Variants in PTPRD observed in about 807,000 individuals in gnomAD.
PTPRD encodes protein tyrosine phosphatase receptor type D, also known as receptor-type tyrosine-protein phosphatase delta.
A neutral mutation model predicts 214.5 loss-of-function variants in PTPRD; 34 were observed. The ratio of observed to expected loss-of-function variants is 0.16; its 90% confidence interval spans 0.12 to 0.21. PTPRD has a LOEUF of 0.21. Ranked by LOEUF, PTPRD falls within the 10% of genes least tolerant of loss-of-function variation. The pLI is 1.00. For synonymous variants in PTPRD, 1,128 were observed against 845.7 expected (o/e 1.33, Z -5.79); for missense variants, 2,545 against 2,398.7 (o/e 1.06, Z -1.27).
Position 9,936,582 on chromosome 9 carries a change from C to G in PTPRD, c.-368+1925G>C, listed in dbSNP as rs1226287737. ...TTAAAAAGTCAGTAAACAACAGGTG[C>G]TGGAGAGGATGTGGAGAAATAGGAA... On this transcript the variant is annotated intron_variant, in intron 5 of 45. Coordinates refer to ENST00000381196, the MANE Select transcript of PTPRD (RefSeq NM_002839.4). Among the ~76,000 whole-genome samples the G allele has an allele frequency of 4.7e-4, 64 of 137,416 alleles. 2 individuals carry two copies. Among genetic ancestry groups the G allele is most frequent in the Non-Finnish European group, 3.3e-4 (22 of 66,246 alleles). 90.2% of individuals were successfully genotyped at this position (137,416 alleles called of 152,430 possible). A position where few individuals can be genotyped will look rare whatever the true frequency, so the allele number is the denominator to read the frequency against.
chr9:8,625,136 G>C (rs1239179180), intron 14 of PTPRD, among the ~76,000 whole-genome samples: 1 of 151,704 alleles, frequency 6.6e-6, no homozygotes, highest in African/African-American at 2.4e-5. Context: ...GACATAAAGA[G>C]TATAATTTCA....
At chr9:8,528,353 A>C (rs999835261) in intron 15 of PTPRD, 11 of 570,898 alleles carry the variant, frequency 1.9e-5, no homozygotes, top group Non-Finnish European at 3.1e-5. Flanking sequence ...CAGTCACAGC[A>C]GTGAGCAATG....
At chr9:10,362,620 G>A (rs539011826) in intron 2 of PTPRD, among the ~76,000 whole-genome samples, 8 of 152,170 alleles carry the variant, frequency 5.3e-5, no homozygotes, top group Admixed American at 1.3e-4. Flanking sequence ...GGTGGCTCAC[G>A]CCTGGAATCC....
At chr9:9,669,625 T>C (rs935805761) in intron 7 of PTPRD, among the ~76,000 whole-genome samples, 2 of 152,176 alleles carry the variant, frequency 1.3e-5, no homozygotes, top group African/African-American at 4.8e-5. Context: ...AAATAAATTA[T>C]AACAGTTAAA....
intron 30 of PTPRD, among the ~76,000 whole-genome samples, chr9:8,479,515 A>C (rs1311477989): frequency 6.6e-6 from 1 of 152,214 alleles, no homozygotes; most frequent in Non-Finnish European, 1.5e-5. Flanking sequence ...ATAGAAGCGG[A>C]AAGTGCATAA....
intron 12 of PTPRD, among the ~76,000 whole-genome samples, chr9:8,707,899 G>C (rs895673684): frequency 6.6e-6 from 1 of 152,170 alleles, no homozygotes; most frequent in East Asian, 1.9e-4. Flanking sequence ...GTCTCTCTCA[G>C]AATAAAAATG....
chr9:10,240,434 A>T (rs962582066), intron 3 of PTPRD, among the ~76,000 whole-genome samples: 7 of 152,034 alleles, frequency 4.6e-5, no homozygotes, highest in African/African-American at 1.7e-4. Context: ...AAAACGCCTT[A>T]AGTACAGGAA....
chr9:9,386,046 C>T (rs756636055), intron 9 of PTPRD, among the ~76,000 whole-genome samples: 2 of 152,078 alleles, frequency 1.3e-5, no homozygotes, highest in Non-Finnish European at 2.9e-5. Flanking sequence ...AAATACTTAC[C>T]TAAGGGAAAA....
At chr9:9,118,482 T>A (rs2099814445) in intron 10 of PTPRD, among the ~76,000 whole-genome samples, 1 of 152,202 alleles carries the variant, frequency 6.6e-6, no homozygotes, top group Non-Finnish European at 1.5e-5. Context: ...GCTTCCTATC[T>A]ACTTTTTAGG....
chr9:8,435,754 C>T (rs1024447067), intron 35 of PTPRD, among the ~76,000 whole-genome samples: 6 of 151,912 alleles, frequency 3.9e-5, no homozygotes, highest in East Asian at 1.9e-4. Flanking sequence ...TACACACAGG[C>T]TTTTAATTTA....
intron 22 of PTPRD, among the ~76,000 whole-genome samples, chr9:8,506,668 G>A (rs2097548581): frequency 6.7e-6 from 1 of 150,008 alleles, no homozygotes; most frequent in Admixed American, 6.6e-5. Context: ...ATTATTGATG[G>A]TGAAACCCTT....
chr9:9,044,764 T>G (rs2099666905), intron 10 of PTPRD, among the ~76,000 whole-genome samples: 1 of 151,384 alleles, frequency 6.6e-6, no homozygotes, highest in East Asian at 1.9e-4. Flanking sequence ...ACTTCTTCCC[T>G]TTTACCTTTT....
chr9:9,794,836 T>G (rs2098991913), intron 5 of PTPRD, among the ~76,000 whole-genome samples: 1 of 152,194 alleles, frequency 6.6e-6, no homozygotes, highest in Non-Finnish European at 1.5e-5. Flanking sequence ...TAGAATGGTG[T>G]TTTAAAAGAT....
chr9:10,575,358 A>G (rs571408020), intron 2 of PTPRD, among the ~76,000 whole-genome samples: 12 of 152,228 alleles, frequency 7.9e-5, no homozygotes, highest in Non-Finnish European at 1.8e-4. Flanking sequence ...AGAACATAAA[A>G]AAGTTCTTTC....
rs1402630717 is a variant in PTPRD at position 9,081,826 on chromosome 9, T to C, written c.-142-63091A>G. 2.1e-5 allele frequency among the ~76,000 whole-genome samples: 3 copies of C among 144,682 alleles called. No individual in the cohort carries two copies. In the East Asian group the frequency reaches 5.8e-4, roughly 28 times the overall value. 94.9% of individuals were successfully genotyped at this position (144,682 alleles called of 152,430 possible). On this transcript the variant is annotated intron_variant, in intron 10 of 45. Coordinates refer to ENST00000381196, the MANE Select transcript of PTPRD (RefSeq NM_002839.4). ...GAGACTAGGATTGCAACTCCTGCTT[T>C]TTTTTTTTTTTGCTTTCCATTTGCT...
chr9:9,069,985 C>T (rs1437013376), intron 10 of PTPRD, among the ~76,000 whole-genome samples: 2 of 152,176 alleles, frequency 1.3e-5, no homozygotes, highest in African/African-American at 2.4e-5. Flanking sequence ...TGTGAGAGAA[C>T]AGAGTTTAAA....
At chr9:9,283,318 T>G (rs973066525) in intron 9 of PTPRD, among the ~76,000 whole-genome samples, 3 of 151,470 alleles carry the variant, frequency 2.0e-5, no homozygotes, top group African/African-American at 7.3e-5. Context: ...TAACCCACAT[T>G]CAGAATTAAT....
intron 10 of PTPRD, among the ~76,000 whole-genome samples, chr9:9,025,366 G>C (rs992755999): frequency 7.9e-5 from 12 of 151,968 alleles, no homozygotes; most frequent in Non-Finnish European, 1.6e-4. Context: ...TGATGTCATT[G>C]TATAGAATGT....
chr9:9,993,403 A>G (rs1437489681), intron 4 of PTPRD, among the ~76,000 whole-genome samples: 1 of 152,200 alleles, frequency 6.6e-6, no homozygotes, highest in East Asian at 1.9e-4. Context: ...GAAACAACAC[A>G]AACATTCATT....
Sources: gnomAD v4.1 joint callset for allele counts (sites outside exome capture counted in the v4.1 genomes callset) on GRCh38, gnomAD v4.1.1 for gene constraint, MANE v1.5 for transcripts, NCBI Gene and HGNC (gene_info 2026-07-23, HGNC 2026-07-21) for gene names.